The following SIPA1L2 variants were observed in gnomAD, a reference collection of about 807,000 sequenced individuals.
The protein encoded by SIPA1L2 is signal-induced proliferation-associated 1-like protein 2.
In SIPA1L2, 56 loss-of-function variants were observed where a neutral mutation model predicts 163.9. The observed-to-expected ratio is 0.34, with a 90% CI of 0.28 to 0.43. SIPA1L2 has a LOEUF of 0.43. Ranked by LOEUF, SIPA1L2 falls within the 20% of genes least tolerant of loss-of-function variation. The pLI is 1.00. For missense variants in SIPA1L2, 1,974 were observed against 2,193.5 expected (o/e 0.90, Z 2.00); for synonymous variants, 877 against 865.7 (o/e 1.01, Z -0.23).
intron 2 of SIPA1L2, among the ~76,000 whole-genome samples, chr1:232,563,956 CGTGT>C (rs34854572): frequency 0.047 from 3,421 of 72,106 alleles, 112 homozygotes; most frequent in African/African-American, 0.1. Context: ...TTTTTTTTTT[CGTGT>C]GTGTGTGTGT....
At chr1:232,520,903 A>C (rs192352574) in intron 2 of SIPA1L2, among the ~76,000 whole-genome samples, 52 of 152,336 alleles carry the variant, frequency 3.4e-4, no homozygotes, top group African/African-American at 1.3e-3. Flanking sequence ...TTATAACCAA[A>C]TGGCTATAAA....
chr1:232,500,253 T>C (rs1215245372), intron 3 of SIPA1L2, among the ~76,000 whole-genome samples: 1 of 152,268 alleles, frequency 6.6e-6, no homozygotes, highest in Admixed American at 6.5e-5. Flanking sequence ...TTTTCATGCC[T>C]GCTAACACCA....
chr1:232,615,524 C>G (rs573235698), intron 1 of SIPA1L2, among the ~76,000 whole-genome samples: 65 of 152,230 alleles, frequency 4.3e-4, no homozygotes, highest in African/African-American at 1.5e-3. Flanking sequence ...TGCAGTCATT[C>G]GAAAGGTTTT....
rs1666038609 is a variant in SIPA1L2, at chr1:232,493,605, G to A, written c.1539C>T (p.Ile513=). Reference sequence around the variant, plus strand: ...TGGCATCTTCCACCTTCTCTCTCCGGATGCTGACTGCTACTGGACCAAGGT... The same window carrying A: ...TGGCATCTTCCACCTTCTCTCTCCGAATGCTGACTGCTACTGGACCAAGGT... ...DENLGPVAVS[I]RREKVEDAKE... is the part of the protein sequence containing the mutation. Residue 513 remains isoleucine, a synonymous_variant, in exon 4 of 23, where the codon ATC becomes ATT. Coordinates refer to ENST00000674635, the MANE Select transcript of SIPA1L2 (RefSeq NM_020808.5). 4 of 1,613,894 alleles carry A rather than the reference G, an allele frequency of 2.5e-6. No homozygotes were observed. Among genetic ancestry groups the A allele is most frequent in the Non-Finnish European group, 3.4e-6 (4 of 1,180,016 alleles).
At chr1:232,408,644 CCTT>C (rs1278225451) in intron 19 of SIPA1L2, among the ~76,000 whole-genome samples, 11 of 152,020 alleles carry the variant, frequency 7.2e-5, no homozygotes, top group African/African-American at 2.7e-4. Context: ...ACATTTTTCA[CCTT>C]CTTATTTATT....
Position 232,543,615 on chromosome 1 carries a change from T to C in SIPA1L2, c.-269-28007A>G, listed in dbSNP as rs117585488. On this transcript the variant is annotated intron_variant, in intron 2 of 22. Transcript: ENST00000674635. ...GTGCAGTGGCTCAAGCTGCCTATAA[T>C]CTCAAGGCTTTGCGAGGCTGAGGAG... Among the ~76,000 whole-genome samples the C allele has an allele frequency of 3.6e-3, 542 of 152,328 alleles. 17 individuals carry two copies. The East Asian group carries it at 0.075, about 21-fold the overall frequency.
At chr1:232,580,165 C>T (rs1660300047) in intron 1 of SIPA1L2, among the ~76,000 whole-genome samples, 1 of 152,154 alleles carries the variant, frequency 6.6e-6, no homozygotes, top group South Asian at 2.1e-4. Context: ...AGTTCCTCCC[C>T]TTTTTAGACT....
At chr1:232,545,500 A>G (rs979265569) in intron 2 of SIPA1L2, among the ~76,000 whole-genome samples, 9 of 152,238 alleles carry the variant, frequency 5.9e-5, no homozygotes, top group African/African-American at 2.2e-4. Context: ...ATAAATATGT[A>G]ATCACACGTA....
intron 6 of SIPA1L2, among the ~76,000 whole-genome samples, chr1:232,481,854 TC>T (rs565760402): frequency 2.0e-4 from 31 of 152,302 alleles, no homozygotes; most frequent in Non-Finnish European, 3.1e-4. Context: ...TAGCCCAACA[TC>T]CTGAACTTTC....
intron 3 of SIPA1L2, among the ~76,000 whole-genome samples, chr1:232,499,310 T>C (rs1025511575): frequency 6.6e-6 from 1 of 152,132 alleles, no homozygotes; most frequent in Non-Finnish European, 1.5e-5. Context: ...AAGTAGTGAA[T>C]GCAAAGAAAA....
intron 18 of SIPA1L2, among the ~76,000 whole-genome samples, chr1:232,419,949 A>C (rs1661471836): frequency 6.6e-6 from 1 of 152,180 alleles, no homozygotes. Context: ...GTAAGACACA[A>C]GTTCTATCCT....
chr1:232,491,148 G>T (rs762801500), intron 4 of SIPA1L2, 86 bp from the exon 5 acceptor site: 3 of 1,225,206 alleles, frequency 2.4e-6, no homozygotes, highest in Non-Finnish European at 2.3e-6. Flanking sequence ...CTTAAGACAG[G>T]AAAAAGAGAA....
intron 3 of SIPA1L2, among the ~76,000 whole-genome samples, chr1:232,509,236 G>A (rs1430046260): frequency 6.6e-6 from 1 of 152,242 alleles, no homozygotes; most frequent in Non-Finnish European, 1.5e-5. Flanking sequence ...GTGATGATGT[G>A]TCACAGAAAT....
intron 9 of SIPA1L2, 82 bp from the exon 10 acceptor site, chr1:232,461,243 C>G: frequency 6.5e-7 from 1 of 1,530,004 alleles, no homozygotes; most frequent in Non-Finnish European, 8.9e-7. Flanking sequence ...GTATGGGCCT[C>G]CATGCCAGCC....
chr1:232,457,338 C>T (rs1663978348), intron 10 of SIPA1L2, among the ~76,000 whole-genome samples: 2 of 152,048 alleles, frequency 1.3e-5, no homozygotes, highest in Admixed American at 1.3e-4. Flanking sequence ...TGATAAATGG[C>T]AAAAATGAAC....
At chr1:232,628,594 C>A (rs1573198776) in intron 1 of SIPA1L2, among the ~76,000 whole-genome samples, 1 of 152,152 alleles carries the variant, frequency 6.6e-6, no homozygotes, top group Non-Finnish European at 1.5e-5. Context: ...TTTGGGAATG[C>A]CAAAAATAAT....
chr1:232,504,524 C>T (rs544076655), intron 3 of SIPA1L2, among the ~76,000 whole-genome samples: 9 of 151,184 alleles, frequency 6.0e-5, no homozygotes, highest in South Asian at 2.1e-4. Context: ...GGCAACAGAG[C>T]GAGACTCCAT....
Position 232,459,748 on chromosome 1 carries a change from AGCGATCT to A in SIPA1L2, c.3095+1132_3095+1138del, listed in dbSNP as rs575956413. Among the ~76,000 whole-genome samples, 19 of 152,124 alleles carry A rather than the reference AGCGATCT, an allele frequency of 1.2e-4. No homozygotes were observed. The South Asian group carries it at 3.7e-3, about 30-fold the overall frequency. On this transcript the variant is annotated intron_variant, in intron 10 of 22. Transcript: ENST00000674635. The stretch of plus-strand genomic sequence containing the variant: ...GGCTGCTCTCAAACTCCTGGGCTCA[AGCGATCT>A]GCCCACCTCGACCTCCCAAAGTGCT...
chr1:232,555,869 G>A (rs1420219752), intron 2 of SIPA1L2, among the ~76,000 whole-genome samples: 3 of 152,138 alleles, frequency 2.0e-5, no homozygotes, highest in Non-Finnish European at 4.4e-5. Context: ...CCATCACAAA[G>A]GTATTAGCTC....
Sources: gnomAD v4.1 joint callset for allele counts (sites outside exome capture counted in the v4.1 genomes callset) on GRCh38, gnomAD v4.1.1 for gene constraint, MANE v1.5 for transcripts, NCBI Gene and HGNC (gene_info 2026-07-23, HGNC 2026-07-21) for gene names.